Variants in SMAD2 observed in about 807,000 individuals in gnomAD.
SMAD2 encodes SMAD family member 2.
In SMAD2, 8 loss-of-function variants were observed where a neutral mutation model predicts 64.4. The ratio of observed to expected loss-of-function variants is 0.12; its 90% CI spans 0.07 to 0.22. The LOEUF (loss-of-function observed/expected upper bound fraction) is 0.22. Among genes scored for constraint, SMAD2 ranks in the 10% least tolerant of loss-of-function variants. The probability of loss-of-function intolerance (pLI) is 1.00; values close to 1 mark genes in which losing one functional copy is unlikely to be tolerated. For missense variants in SMAD2, 289 were observed against 561.2 expected, an observed-to-expected ratio of 0.51 and a Z score of 4.90; for synonymous variants, 203 against 195.8, an observed-to-expected ratio of 1.04 and a Z score of -0.31.
At chr18:47,877,578 T>C (rs2032337773) in intron 2 of SMAD2, among the ~76,000 whole-genome samples, 1 of 152,322 alleles carries the variant, frequency 6.6e-6, no homozygotes, top group African/African-American at 2.4e-5. Context: ...CAATTACAAA[T>C]GTTTAAATGT....
intron 9 of SMAD2, 54 bp downstream of exon 9, chr18:47,845,609 A>C (rs1213546781): frequency 2.5e-6 from 4 of 1,606,092 alleles, no homozygotes; most frequent in Non-Finnish European, 3.4e-6. Flanking sequence ...ATTAGCAACA[A>C]GAAAAACTAA....
At chr18:47,866,481 GAATA>G (rs1309313844) in intron 5 of SMAD2, among the ~76,000 whole-genome samples, 2 of 151,770 alleles carry the variant, frequency 1.3e-5, no homozygotes, top group Non-Finnish European at 2.9e-5. Flanking sequence ...AAAATTCTAA[GAATA>G]AATTATCTTC....
At chr18:47,887,998 G>A (rs1377793324) in intron 2 of SMAD2, among the ~76,000 whole-genome samples, 1 of 152,144 alleles carries the variant, frequency 6.6e-6, no homozygotes, top group African/African-American at 2.4e-5. Flanking sequence ...TGTCTTTTCT[G>A]CATGTTCTGC....
chr18:47,843,852 A>G (rs1478221490), intron 10 of SMAD2, among the ~76,000 whole-genome samples: 2 of 152,188 alleles, frequency 1.3e-5, no homozygotes, highest in Admixed American at 6.5e-5. Context: ...TATCTTTACC[A>G]AGTAAAACTG....
At chr18:47,901,983 G>T (rs771418577) in intron 1 of SMAD2, among the ~76,000 whole-genome samples, 2 of 152,074 alleles carry the variant, frequency 1.3e-5, no homozygotes, top group Non-Finnish European at 2.9e-5. Flanking sequence ...TTCTCAAGTC[G>T]CTTCCCCTAG....
rs2144287985 is a variant in SMAD2, at chr18:47,845,449, C to A, written c.1171G>T (p.Ala391Ser). Residue 391 changes from alanine (A) to serine (S), a missense_variant, in exon 10 of 11, where the codon GCT (alanine) becomes TCT (serine). By Grantham distance (99) the Ala-to-Ser change is moderately conservative (BLOSUM62 1). Around this residue, in one of 6 missense-constraint regions of SMAD2, gnomAD observed 49 missense variants for 101.1 expected, o/e 0.48. Transcript: ENST00000262160. ...NLKIFNNQEF[A>S]ALLAQSVNQG... ...TTAACAGACTGAGCCAGAAGAGCAG[C>A]AAATTCCTGGTTGTTGAAGATCTTC... 6.2e-7 allele frequency: 1 copy of A among 1,613,644 alleles called. No individual in the cohort carries two copies. The highest frequency in any genetic ancestry group is 8.5e-7 in the Non-Finnish European group (1 of 1,179,700).
chr18:47,842,261 G>A (rs994508190), intron 10 of SMAD2, among the ~76,000 whole-genome samples: 4 of 152,170 alleles, frequency 2.6e-5, no homozygotes, highest in Non-Finnish European at 5.9e-5. Flanking sequence ...TCAGGCCAGG[G>A]CCAGGCGTGG....
In SMAD2 at chr18:47,814,357, G is replaced by A. The variant is rs1227869660; in HGVS notation, c.*27470C>T. On this transcript the variant is annotated 3_prime_UTR_variant, in exon 11 of 11. Transcript: ENST00000262160. The stretch of plus-strand genomic sequence containing the variant: ...AGGAAGATGATAAGTAGTCTTCAAA[G>A]TCAGACTTTACTGAGAATGAGAAGG... 1.3e-5 allele frequency: 2 copies of A among 152,180 alleles called. No individual in the cohort carries two copies. The highest frequency in any genetic ancestry group is 4.8e-5 in the African/African-American group (2 of 41,440). 9.4% of individuals were successfully genotyped at this position (152,180 alleles called of 1,614,324 possible). A position where few individuals can be genotyped will look rare whatever the true frequency, so the allele number is the denominator to read the frequency against.
intron 2 of SMAD2, among the ~76,000 whole-genome samples, chr18:47,879,046 C>T (rs1021932089): frequency 3.9e-5 from 6 of 152,110 alleles, no homozygotes; most frequent in Admixed American, 2.0e-4. Context: ...GAGACTTGAG[C>T]CCAGTAGGTG....
rs1411254059 is a variant in SMAD2, at chr18:47,835,943, G to A, written c.*5884C>T. On this transcript the variant is annotated 3_prime_UTR_variant, in exon 11 of 11. Transcript: ENST00000262160. ...GAAAAATCTAAAAGCCCTCTATGTTGAGTTAATACACCTTCTGACCCCCAT... is the reference window on the plus strand; with the variant it reads ...GAAAAATCTAAAAGCCCTCTATGTTAAGTTAATACACCTTCTGACCCCCAT... The A allele has an allele frequency of 4.7e-6, 1 of 210,796 alleles. No individual in the cohort carries two copies. The highest frequency in any genetic ancestry group is 9.6e-6 in the Non-Finnish European group (1 of 103,944). The allele number at this position is 210,796 out of a possible 1,614,324, so 13.1% of individuals were successfully genotyped here. A position where few individuals can be genotyped will look rare whatever the true frequency, so the allele number is the denominator to read the frequency against.
intron 6 of SMAD2, among the ~76,000 whole-genome samples, chr18:47,863,395 A>G (rs140841648): frequency 2.6e-5 from 4 of 152,348 alleles, no homozygotes; most frequent in African/African-American, 9.6e-5. Flanking sequence ...AGTTAGCCCC[A>G]ACACTGCAAT....
chr18:47,882,796 T>C lies in SMAD2; in HGVS notation c.237-12232A>G, dbSNP rs895296603. 3.9e-5 allele frequency among the ~76,000 whole-genome samples: 6 copies of C among 152,344 alleles called. No individual in the cohort carries two copies. The East Asian group carries it at 7.7e-4, about 20-fold the overall frequency. ...TTGATTATGAAGTCAAATTCTTTCA[T>C]TGTTATAGGGCTACCCAGATCTTGT... is the stretch of plus-strand genomic sequence containing the variant. On this transcript the variant is annotated intron_variant, in intron 2 of 10. Coordinates refer to ENST00000262160, the MANE Select transcript of SMAD2 (RefSeq NM_005901.6).
At chr18:47,855,472 T>C (rs943542878) in intron 6 of SMAD2, among the ~76,000 whole-genome samples, 3 of 152,210 alleles carry the variant, frequency 2.0e-5, no homozygotes, top group Non-Finnish European at 2.9e-5. Flanking sequence ...TTTTTCATTC[T>C]GACCAGTAAT....
chr18:47,835,646 G>T lies in SMAD2; in HGVS notation c.*6181C>A. 1 of 193,082 alleles carries T rather than the reference G, an allele frequency of 5.2e-6. No homozygotes were observed. The highest frequency in any genetic ancestry group is 1.1e-5 in the Non-Finnish European group (1 of 92,504). The allele number at this position is 193,082 out of a possible 1,614,324, so 12.0% of individuals were successfully genotyped here. A position where few individuals can be genotyped will look rare whatever the true frequency, so the allele number is the denominator to read the frequency against. Reference sequence around the variant, plus strand: ...TAATATAGAACCAGAAATATGGCAAGTTACCTAGTGATTAACATTGTAAAA... The same window carrying T: ...TAATATAGAACCAGAAATATGGCAATTTACCTAGTGATTAACATTGTAAAA... On this transcript the variant is annotated 3_prime_UTR_variant, in exon 11 of 11. Transcript: ENST00000262160.
At position 47,822,524 on chromosome 18, in the gene SMAD2, GTTTT is replaced by G. The variant is rs1280121228; in HGVS notation, c.*19299_*19302del. On this transcript the variant is annotated 3_prime_UTR_variant, in exon 11 of 11. Transcript: ENST00000262160. ...TGTGACTTTTATTTGAAGCATTATT[GTTTT>G]TTTACTTAAATGTTTTGTTTTCCAT... 2 of 152,034 alleles carry G rather than the reference GTTTT, an allele frequency of 1.3e-5. No individual in the cohort carries two copies. The highest frequency in any genetic ancestry group is 6.6e-5 in the Admixed American group (1 of 15,258). 9.4% of individuals were successfully genotyped at this position (152,034 alleles called of 1,614,324 possible).
At chr18:47,842,368 C>T (rs1485443510) in intron 10 of SMAD2, among the ~76,000 whole-genome samples, 2 of 152,018 alleles carry the variant, frequency 1.3e-5, no homozygotes, top group Non-Finnish European at 2.9e-5. Flanking sequence ...GGTGAAACCC[C>T]GTCTCTACTA....
chr18:47,864,453 G>A (rs1247220972), intron 6 of SMAD2, among the ~76,000 whole-genome samples: 1 of 152,124 alleles, frequency 6.6e-6, no homozygotes, highest in Non-Finnish European at 1.5e-5. Flanking sequence ...ATACAGACAG[G>A]TAAAATGAAT....
intron 1 of SMAD2, among the ~76,000 whole-genome samples, chr18:47,918,274 T>C (rs966303706): frequency 3.3e-5 from 5 of 152,194 alleles, no homozygotes; most frequent in Admixed American, 6.5e-5. Flanking sequence ...TGAATGAACA[T>C]GAGCACGCTG....
chr18:47,864,268 C>CA (rs1202448495), intron 6 of SMAD2, among the ~76,000 whole-genome samples: 1 of 151,856 alleles, frequency 6.6e-6, no homozygotes, highest in African/African-American at 2.4e-5. Context: ...CCTGGGAGTC[C>CA]AAAAAAACGG....
Sources: gnomAD v4.1 joint callset for allele counts (sites outside exome capture counted in the v4.1 genomes callset) on GRCh38, gnomAD v4.1.1 for gene constraint, gnomAD v4.1.1 regional missense constraint, MANE v1.5 for transcripts, NCBI Gene and HGNC (gene_info 2026-07-23, HGNC 2026-07-21) for gene names.